Variants in PDE11A observed in about 807,000 individuals in gnomAD.
PDE11A encodes the protein phosphodiesterase 11A.
A neutral mutation model predicts 100.5 loss-of-function variants in PDE11A; 100 were observed. That is an observed-to-expected ratio of 1.00 (90% CI 0.85 to 1.18). The LOEUF (loss-of-function observed/expected upper bound fraction) is 1.18. Ranked by LOEUF, PDE11A falls within the 50% of genes most tolerant of loss-of-function variation. PDE11A has a pLI of 0.00. For missense variants in PDE11A, 1,141 were observed against 1,152.6 expected, an observed-to-expected ratio of 0.99 and a Z score of 0.15; for synonymous variants, 381 against 420.8, an observed-to-expected ratio of 0.91 and a Z score of 1.16.
chr2:177,859,261 A>T (rs1177338913), intron 5 of PDE11A, among the ~76,000 whole-genome samples: 1 of 152,046 alleles, frequency 6.6e-6, no homozygotes, highest in Admixed American at 6.6e-5. Context: ...AATAAAATAA[A>T]TAAACTTTAA....
At chr2:177,727,862 C>A in intron 11 of PDE11A, 97 bp from the exon 12 acceptor site, 2 of 978,216 alleles carry the variant, frequency 2.0e-6, no homozygotes, top group East Asian at 4.8e-5. Flanking sequence ...CCTCAGTGAT[C>A]AAAGGCCTTC....
rs374110775 is a variant in PDE11A at position 178,017,426 on chromosome 2, T to C, written c.913-2966A>G. On this transcript the variant is annotated intron_variant, in intron 1 of 19. Transcript: ENST00000286063. ...ACATGAACAAATGTCAAAAACATAA[T>C]GTTAAGTGAAACAAACAAGCAGCAG... 1.2e-4 allele frequency among the ~76,000 whole-genome samples: 18 copies of C among 152,334 alleles called. 1 individual carries two copies. Among genetic ancestry groups the C allele is most frequent in the African/African-American group, 4.3e-4 (18 of 41,584 alleles).
intron 19 of PDE11A, among the ~76,000 whole-genome samples, chr2:177,644,985 T>C (rs1427526544): frequency 3.9e-5 from 6 of 152,222 alleles, no homozygotes; most frequent in Non-Finnish European, 7.3e-5. Context: ...AACGTGGAAC[T>C]GTAAGTCCAT....
chr2:177,887,709 G>C (rs1272531207), intron 4 of PDE11A, among the ~76,000 whole-genome samples: 1 of 152,160 alleles, frequency 6.6e-6, no homozygotes, highest in African/African-American at 2.4e-5. Context: ...AGCTGTGATG[G>C]TGCCACTGCA....
chr2:177,916,003 C>T (rs944439987), intron 2 of PDE11A, among the ~76,000 whole-genome samples: 4 of 152,184 alleles, frequency 2.6e-5, no homozygotes, highest in Non-Finnish European at 4.4e-5. Context: ...CCCAATTACC[C>T]GAACATGAAA....
At chr2:177,869,981 T>C (rs904279943) in intron 5 of PDE11A, among the ~76,000 whole-genome samples, 1 of 152,228 alleles carries the variant, frequency 6.6e-6, no homozygotes, top group Admixed American at 6.5e-5. Context: ...TTTGACAAAT[T>C]GATGTTCCAC....
intron 5 of PDE11A, among the ~76,000 whole-genome samples, chr2:177,863,374 A>G (rs1340212202): frequency 6.6e-6 from 1 of 152,084 alleles, no homozygotes; most frequent in Admixed American, 6.6e-5. Flanking sequence ...AAAGGAAACA[A>G]CCAACAAAAT....
intron 10 of PDE11A, among the ~76,000 whole-genome samples, chr2:177,753,556 T>C (rs1467512743): frequency 6.6e-6 from 1 of 150,676 alleles, no homozygotes; most frequent in Non-Finnish European, 1.5e-5. Context: ...GCCTGAAGAG[T>C]CAAGCAGAAT....
At chr2:177,862,543 A>T (rs926366516) in intron 5 of PDE11A, among the ~76,000 whole-genome samples, 2 of 151,890 alleles carry the variant, frequency 1.3e-5, no homozygotes, top group Non-Finnish European at 2.9e-5. Flanking sequence ...TTTATATACA[A>T]ATAATGACCT....
At chr2:177,865,285 C>T (rs1201355488) in intron 5 of PDE11A, among the ~76,000 whole-genome samples, 1 of 151,908 alleles carries the variant, frequency 6.6e-6, no homozygotes, top group African/African-American at 2.4e-5. Context: ...CCCCTGCATC[C>T]CCCAAAAAAA....
At chr2:178,042,716 T>G (rs972586183) in intron 1 of PDE11A, among the ~76,000 whole-genome samples, 2 of 152,170 alleles carry the variant, frequency 1.3e-5, no homozygotes, top group African/African-American at 4.8e-5. Flanking sequence ...TTAAGTAACA[T>G]TCAGAATACT....
intron 10 of PDE11A, among the ~76,000 whole-genome samples, chr2:177,730,077 T>A (rs1482300143): frequency 2.6e-5 from 4 of 152,334 alleles, no homozygotes; most frequent in Admixed American, 6.5e-5. Context: ...AAATCTTTTT[T>A]AAAAATTTAT....
chr2:177,758,968 A>G (rs990343852), intron 10 of PDE11A, among the ~76,000 whole-genome samples: 1 of 152,220 alleles, frequency 6.6e-6, no homozygotes, highest in African/African-American at 2.4e-5. Flanking sequence ...GGTTTTAGCC[A>G]TTTTCCTAGA....
chr2:178,004,314 A>G (rs990858565), intron 2 of PDE11A, among the ~76,000 whole-genome samples: 4 of 152,274 alleles, frequency 2.6e-5, no homozygotes, highest in Middle Eastern at 3.4e-3. Flanking sequence ...GAGATACCCA[A>G]TTCAAAGATA....
At chr2:177,899,667 T>G in intron 3 of PDE11A, 1 of 201,090 alleles carries the variant, frequency 5.0e-6, no homozygotes, top group Non-Finnish European at 1.1e-5. Context: ...TAATTTACAT[T>G]TAGTCTTTGC....
chr2:177,757,493 T>C (rs1553471589), intron 10 of PDE11A, among the ~76,000 whole-genome samples: 1 of 152,240 alleles, frequency 6.6e-6, no homozygotes, highest in Non-Finnish European at 1.5e-5. Flanking sequence ...ACAGCAATAT[T>C]TGAAAATGTA....
chr2:177,749,374 C>CCACTGTAGGAGT (rs1559172100), intron 10 of PDE11A, among the ~76,000 whole-genome samples: 1 of 151,954 alleles, frequency 6.6e-6, no homozygotes, highest in Non-Finnish European at 1.5e-5. Context: ...ACTGTAGGAG[C>CCACTGTAGGAGT]TAATATTCTA....
rs1559120768 is a variant in PDE11A at position 177,637,999 on chromosome 2, T to TA, written c.2647-8438_2647-8437insT. Among the ~76,000 whole-genome samples the TA allele has an allele frequency of 3.6e-3, 128 of 35,350 alleles. 1 individual carries two copies. The highest frequency in any genetic ancestry group is 6.6e-3 in the African/African-American group (64 of 9,626). 23.2% of individuals were successfully genotyped at this position (35,350 alleles called of 152,430 possible). ...CACGTGTATATATATATATATATAT[T>TA]TTTTTTTTTTTTTTTTTTGAGATGG... On this transcript the variant is annotated intron_variant, in intron 19 of 19. Coordinates refer to ENST00000286063, the MANE Select transcript of PDE11A (RefSeq NM_016953.4).
intron 6 of PDE11A, among the ~76,000 whole-genome samples, chr2:177,831,042 T>C (rs1191537887): frequency 6.6e-6 from 1 of 152,214 alleles, no homozygotes. Context: ...CCATGTATGC[T>C]ATCAAGCCCA....
Sources: gnomAD v4.1 joint callset for allele counts (sites outside exome capture counted in the v4.1 genomes callset) on GRCh38, gnomAD v4.1.1 for gene constraint, MANE v1.5 for transcripts, NCBI Gene and HGNC (gene_info 2026-07-23, HGNC 2026-07-21) for gene names.